The following HLCS variants were observed in gnomAD, a reference collection of about 807,000 sequenced individuals.
HLCS encodes biotin--protein ligase.
HLCS carries 53 observed loss-of-function variants against 75.0 expected under a neutral mutation model. The ratio of observed to expected loss-of-function variants is 0.71; its 90% CI spans 0.57 to 0.89. The LOEUF (loss-of-function observed/expected upper bound fraction) is 0.89. HLCS is among the 40% of genes least tolerant of loss of function. The pLI is 0.00. For missense variants in HLCS, 966 were observed against 1,074.0 expected (o/e 0.90, Z 1.41); for synonymous variants, 431 against 428.6 (o/e 1.01, Z -0.07).
intron 5 of HLCS, among the ~76,000 whole-genome samples, chr21:36,921,605 C>T (rs905192127): frequency 3.9e-5 from 6 of 152,278 alleles, no homozygotes; most frequent in Admixed American, 2.0e-4. Flanking sequence ...TCCTATGATA[C>T]GCATGTTCAG....
chr21:36,756,331 A>G (rs2089583204), intron 10 of HLCS, among the ~76,000 whole-genome samples: 1 of 151,762 alleles, frequency 6.6e-6, no homozygotes, highest in African/African-American at 2.4e-5. Flanking sequence ...CCAGCTACTC[A>G]GGTGACTGAG....
chr21:36,867,305 T>A (rs1251507234), intron 6 of HLCS, among the ~76,000 whole-genome samples: 1 of 152,240 alleles, frequency 6.6e-6, no homozygotes, highest in Non-Finnish European at 1.5e-5. Flanking sequence ...TATTGTGGTA[T>A]AATGTACAGT....
At chr21:36,844,796 G>A (rs2062739443) in intron 6 of HLCS, among the ~76,000 whole-genome samples, 1 of 151,956 alleles carries the variant, frequency 6.6e-6, no homozygotes, top group African/African-American at 2.4e-5. Context: ...TTAATACCGT[G>A]GGGAGAAATC....
chr21:36,925,191 C>G (rs545040473), intron 5 of HLCS, among the ~76,000 whole-genome samples: 1 of 152,134 alleles, frequency 6.6e-6, no homozygotes, highest in Non-Finnish European at 1.5e-5. Context: ...CTCCCCACTA[C>G]CAAAATCACA....
chr21:36,756,197 G>A (rs958699648), intron 10 of HLCS, among the ~76,000 whole-genome samples: 32 of 152,018 alleles, frequency 2.1e-4, no homozygotes, highest in Non-Finnish European at 4.4e-4. Flanking sequence ...CCAGCACTTT[G>A]GGAGGCCAAG....
chr21:36,962,855 T>G (rs8128381), intron 1 of HLCS, among the ~76,000 whole-genome samples: 1,680 of 140,972 alleles, frequency 0.012, 28 homozygotes, highest in African/African-American at 0.041. Flanking sequence ...CAACAGAAGC[T>G]CCTTACTCAC....
chr21:36,759,347 A>G (rs1466934629), intron 9 of HLCS, among the ~76,000 whole-genome samples: 1 of 152,254 alleles, frequency 6.6e-6, no homozygotes, highest in Non-Finnish European at 1.5e-5. Flanking sequence ...TGGCCCAGGA[A>G]GGTCACGATA....
At position 36,922,523 on chromosome 21, in the gene HLCS, AAAAC is replaced by A. The variant is rs1569196824; in HGVS notation, c.1620+7724_1620+7727del. Among the ~76,000 whole-genome samples the A allele has an allele frequency of 2.6e-5, 4 of 152,338 alleles. No individual in the cohort carries two copies. In the South Asian group the frequency reaches 8.3e-4, roughly 32 times the overall value. ...GCAGCCATACACAGGCAGCTACAAC[AAAAC>A]AAACAAATTAGGAAGATCTCTCAGA... is the stretch of plus-strand genomic sequence containing the variant. On this transcript the variant is annotated intron_variant, in intron 5 of 10. Coordinates refer to ENST00000674895, the MANE Select transcript of HLCS (RefSeq NM_001352514.2).
At chr21:36,983,651 C>G (rs2069170321) in intron 1 of HLCS, among the ~76,000 whole-genome samples, 1 of 151,694 alleles carries the variant, frequency 6.6e-6, no homozygotes, top group Non-Finnish European at 1.5e-5. Flanking sequence ...TCCTGGTTAA[C>G]ATGGTGAAAC....
chr21:36,907,614 C>T (rs1001964678), intron 5 of HLCS, among the ~76,000 whole-genome samples: 12 of 151,866 alleles, frequency 7.9e-5, no homozygotes, highest in Middle Eastern at 3.4e-3. Context: ...TGAGATCATG[C>T]GCACTCCAGC....
At chr21:36,921,849 C>T (rs1309609378) in intron 5 of HLCS, among the ~76,000 whole-genome samples, 1 of 152,094 alleles carries the variant, frequency 6.6e-6, no homozygotes, top group Non-Finnish European at 1.5e-5. Context: ...AGTGCATTTC[C>T]CTTTTACCAG....
chr21:36,795,852 A>C (rs2061010464), intron 6 of HLCS, among the ~76,000 whole-genome samples: 1 of 152,278 alleles, frequency 6.6e-6, no homozygotes, highest in Non-Finnish European at 1.5e-5. Flanking sequence ...CAAATGAATG[A>C]GCGAATAAAT....
intron 9 of HLCS, chr21:36,759,102 G>A: frequency 2.1e-6 from 1 of 471,090 alleles, no homozygotes; most frequent in Non-Finnish European, 4.4e-6. Context: ...GCTGGCACTT[G>A]AAACACATGG....
At chr21:36,895,007 C>T (rs528395239) in intron 6 of HLCS, among the ~76,000 whole-genome samples, 2 of 152,066 alleles carry the variant, frequency 1.3e-5, no homozygotes, top group African/African-American at 4.8e-5. Flanking sequence ...TCAGCCTGTC[C>T]GCACTCTCAG....
chr21:36,792,960 T>C (rs2060914420), intron 6 of HLCS, among the ~76,000 whole-genome samples: 4 of 152,150 alleles, frequency 2.6e-5, no homozygotes, highest in Non-Finnish European at 4.4e-5. Flanking sequence ...ACCCCATCCA[T>C]TTGGTTTTGT....
chr21:36,793,293 G>GTTTTTTTTTT (rs1569018321), intron 6 of HLCS, among the ~76,000 whole-genome samples: 2 of 108,498 alleles, frequency 1.8e-5, no homozygotes, highest in Non-Finnish European at 4.2e-5. Flanking sequence ...GCAGGAAGCA[G>GTTTTTTTTTT]TCTTTTTTTT....
chr21:36,956,991 T>A (rs2067998813), intron 2 of HLCS, among the ~76,000 whole-genome samples: 1 of 145,960 alleles, frequency 6.9e-6, no homozygotes, highest in Non-Finnish European at 1.5e-5. Flanking sequence ...AGGTAGATGT[T>A]GCAGTGAGCC....
intron 6 of HLCS, among the ~76,000 whole-genome samples, chr21:36,798,679 C>T (rs1280733765): frequency 1.3e-5 from 2 of 152,214 alleles, no homozygotes; most frequent in African/African-American, 4.8e-5. Context: ...AGTTTCTCCA[C>T]ATTCTTGTCA....
intron 1 of HLCS, among the ~76,000 whole-genome samples, chr21:36,976,513 G>C (rs897964667): frequency 3.9e-5 from 6 of 152,128 alleles, no homozygotes; most frequent in African/African-American, 1.4e-4. Flanking sequence ...GAACCCGGGA[G>C]GCAGAGGTTG....
Sources: allele counts gnomAD v4.1 joint callset (sites outside exome capture counted in the v4.1 genomes callset), GRCh38; gene constraint gnomAD v4.1.1; transcripts MANE v1.5; gene names NCBI Gene and HGNC (gene_info 2026-07-23, HGNC 2026-07-21).